CRACR2A: variants seen among roughly 807,000 people sequenced by gnomAD.
CRACR2A encodes the protein calcium release activated channel regulator 2A.
In CRACR2A, 79 loss-of-function variants were observed where a neutral mutation model predicts 90.5. The ratio of observed to expected loss-of-function variants is 0.87; its 90% CI spans 0.73 to 1.05. The LOEUF (loss-of-function observed/expected upper bound fraction) is 1.05. Among genes scored for constraint, CRACR2A ranks in the 50% least tolerant of loss-of-function variants. The pLI is 0.00. For synonymous variants in CRACR2A, 338 were observed against 356.7 expected, an observed-to-expected ratio of 0.95 and a Z score of 0.59; for missense variants, 823 against 897.2, an observed-to-expected ratio of 0.92 and a Z score of 1.06.
Position 3,711,222 on chromosome 12 carries a change from G to C in CRACR2A, c.-37+2015C>G, listed in dbSNP as rs1946002595. Among the ~76,000 whole-genome samples the C allele has an allele frequency of 6.6e-6, 1 of 152,162 alleles. No homozygotes were observed. Among genetic ancestry groups the C allele is most frequent in the Non-Finnish European group, 1.5e-5 (1 of 68,010 alleles). ...GCTTCCAAAAACAATGATGGGACAGGGGCACGACAGATGTTCCATCTCTAA... is the reference window on the plus strand; with the variant it reads ...GCTTCCAAAAACAATGATGGGACAGCGGCACGACAGATGTTCCATCTCTAA... On this transcript the variant is annotated intron_variant, in intron 3 of 19. Transcript: ENST00000440314. The surrounding 1 kb of genome is among the most constrained non-coding windows in gnomAD (Gnocchi z 4.3).
At chr12:3,736,346 G>A (rs1334313251) in intron 1 of CRACR2A, among the ~76,000 whole-genome samples, 2 of 151,636 alleles carry the variant, frequency 1.3e-5, no homozygotes, top group African/African-American at 4.9e-5. Flanking sequence ...AGCTTCAGAG[G>A]TTAGGTAGAT....
chr12:3,706,998 A>T (rs1259004010), intron 3 of CRACR2A, among the ~76,000 whole-genome samples: 1 of 152,200 alleles, frequency 6.6e-6, no homozygotes. Flanking sequence ...GAAAAACAAA[A>T]CAAAACAAAA....
Position 3,638,250 on chromosome 12 carries a change from G to T in CRACR2A, c.1476C>A (p.Ser492Arg). The T allele has an allele frequency of 6.4e-7, 1 of 1,551,692 alleles. No homozygotes were observed. The highest frequency in any genetic ancestry group is 1.7e-4 in the Middle Eastern group (1 of 5,990). ...LLDGGFEQPL[S>R]KCSEEEEVSD... is the part of the protein sequence containing the mutation. ...AGACCTCTTCCTCTTCTGAGCATTT[G>T]CTCAGGGGTTGCTCAAAGCCACCAT... is the stretch of plus-strand genomic sequence containing the variant. The change falls in exon 14 of 20, where the codon AGC becomes AGA. Residue 492 changes from serine to arginine, a missense_variant. Physicochemically the swap from Ser to Arg is moderately radical, Grantham distance 110. Coordinates refer to ENST00000440314, the MANE Select transcript of CRACR2A (RefSeq NM_001144958.2).
At chr12:3,699,768 C>A (rs2137718263) in intron 3 of CRACR2A, among the ~76,000 whole-genome samples, 1 of 152,278 alleles carries the variant, frequency 6.6e-6, no homozygotes, top group South Asian at 2.1e-4. Flanking sequence ...GATTTTACCG[C>A]CAGTTTCTAG....
intron 17 of CRACR2A, among the ~76,000 whole-genome samples, chr12:3,625,211 C>T (rs1290123319): frequency 6.6e-6 from 1 of 152,148 alleles, no homozygotes; most frequent in African/African-American, 2.4e-5. Flanking sequence ...CACAGACACA[C>T]CAAGGCTTCC....
chr12:3,635,185 C>A (rs1438389990), intron 14 of CRACR2A, among the ~76,000 whole-genome samples: 1 of 152,114 alleles, frequency 6.6e-6, no homozygotes, highest in Non-Finnish European at 1.5e-5. Flanking sequence ...CAGTGTCAGG[C>A]AGGACTCACC....
chr12:3,627,750 G>T (rs1168428694), intron 15 of CRACR2A, 44 bp from the exon 16 acceptor site: 8 of 1,519,894 alleles, frequency 5.3e-6, no homozygotes, highest in Non-Finnish European at 7.2e-6. Flanking sequence ...TGGGCCAGGG[G>T]CACCTCACTT....
chr12:3,626,998 G>A (rs917225613), intron 17 of CRACR2A, among the ~76,000 whole-genome samples: 2 of 152,142 alleles, frequency 1.3e-5, no homozygotes, highest in Non-Finnish European at 2.9e-5. Context: ...GGGCATAGCT[G>A]GGCCTACTGG....
intron 3 of CRACR2A, among the ~76,000 whole-genome samples, chr12:3,709,634 GGGCATGGT>G (rs1945979725): frequency 6.6e-6 from 1 of 152,148 alleles, no homozygotes; most frequent in African/African-American, 2.4e-5. Context: ...AAAATTAGCC[GGGCATGGT>G]GGCACATGCC....
At chr12:3,681,168 G>A (rs1945443403) in intron 4 of CRACR2A, among the ~76,000 whole-genome samples, 2 of 152,208 alleles carry the variant, frequency 1.3e-5, no homozygotes, top group Admixed American at 1.3e-4. Flanking sequence ...TGAGCTCTGA[G>A]GGGATATGGG....
At chr12:3,730,444 A>G (rs1946344321) in intron 2 of CRACR2A, 1 of 152,344 alleles carries the variant, frequency 6.6e-6, no homozygotes, top group African/African-American at 2.4e-5. Context: ...TTGATTATTC[A>G]AAGATTTTTC....
intron 12 of CRACR2A, among the ~76,000 whole-genome samples, chr12:3,642,812 G>A (rs961574355): frequency 6.6e-6 from 1 of 152,292 alleles, no homozygotes; most frequent in Non-Finnish European, 1.5e-5. Context: ...TGTCTTCCAG[G>A]AGATGAGGCG....
At chr12:3,627,413 T>G in intron 17 of CRACR2A, 23 bp downstream of exon 17, 5 of 1,529,706 alleles carry the variant, frequency 3.3e-6, no homozygotes, top group Non-Finnish European at 4.4e-6. Context: ...GCCTAAATGC[T>G]CCTAGGAAGG....
chr12:3,639,564 A>G (rs35264716), intron 13 of CRACR2A, among the ~76,000 whole-genome samples: 22,801 of 151,932 alleles, frequency 0.15, 1,846 homozygotes, highest in African/African-American at 0.21. Context: ...AAGGAACTAA[A>G]TGAAGGACAC....
chr12:3,745,072 C>T (rs372312126), intron 1 of CRACR2A, among the ~76,000 whole-genome samples: 132 of 152,252 alleles, frequency 8.7e-4, no homozygotes, highest in African/African-American at 3.1e-3. Flanking sequence ...GGATGGCCTT[C>T]CCTCTGTGGG....
At chr12:3,663,143 T>C (rs899874852) in intron 7 of CRACR2A, among the ~76,000 whole-genome samples, 5 of 152,106 alleles carry the variant, frequency 3.3e-5, no homozygotes, top group Non-Finnish European at 7.3e-5. Context: ...ACGCAGGCAT[T>C]TATGTCACCC....
intron 7 of CRACR2A, among the ~76,000 whole-genome samples, 169 bp from the exon 8 acceptor site, chr12:3,659,823 G>A (rs1051081510): frequency 6.6e-6 from 1 of 152,072 alleles, no homozygotes; most frequent in South Asian, 2.1e-4. Flanking sequence ...CAGCTAACCC[G>A]ACAAGGGATG....
At chr12:3,679,236 A>G (rs1180563264) in intron 5 of CRACR2A, 138 bp from the exon 6 acceptor site, 5 of 829,030 alleles carry the variant, frequency 6.0e-6, no homozygotes, top group Non-Finnish European at 7.2e-6. Context: ...GCAAAGATCC[A>G]TGGACATGGG....
chr12:3,682,518 A>G (rs1241366987), intron 4 of CRACR2A, among the ~76,000 whole-genome samples: 1 of 152,160 alleles, frequency 6.6e-6, no homozygotes, highest in African/African-American at 2.4e-5. Context: ...AAGCAATATT[A>G]TAGGTTCCAA....
Sources: allele counts gnomAD v4.1 joint callset (sites outside exome capture counted in the v4.1 genomes callset), GRCh38; gene constraint gnomAD v4.1.1; non-coding constraint Gnocchi (gnomAD v3.1); transcripts MANE v1.5; gene names NCBI Gene and HGNC (gene_info 2026-07-23, HGNC 2026-07-21).